GPHN: variants seen among roughly 807,000 people sequenced by gnomAD.
The protein encoded by GPHN is gephyrin.
Under a neutral mutation model 95.5 loss-of-function variants are expected in GPHN, and 17 were observed. That is an observed-to-expected ratio of 0.18 (90% CI 0.12 to 0.27). The LOEUF is 0.27. Among genes scored for constraint, GPHN ranks in the 10% least tolerant of loss-of-function variants. GPHN has a pLI of 1.00. For missense variants in GPHN, 660 were observed against 978.1 expected, an observed-to-expected ratio of 0.67 and a Z score of 4.34; for synonymous variants, 320 against 322.5, an observed-to-expected ratio of 0.99 and a Z score of 0.08.
In GPHN at chr14:66,935,169, A is replaced by G. The variant is rs185833260; in HGVS notation, c.828+10877A>G. Reference sequence around the variant, plus strand: ...AGCCTCAAGGCAACTGATAGGTTCAAAACTCAAAGTAATAATATTAACAAC... The same window carrying G: ...AGCCTCAAGGCAACTGATAGGTTCAGAACTCAAAGTAATAATATTAACAAC... On this transcript the variant is annotated intron_variant, in intron 8 of 22. Coordinates refer to ENST00000478722, the MANE Select transcript of GPHN (RefSeq NM_020806.5). Among the ~76,000 whole-genome samples, 374 of 152,288 alleles carry G rather than the reference A, an allele frequency of 2.5e-3. 2 individuals carry two copies. Among genetic ancestry groups the G allele is most frequent in the Non-Finnish European group, 3.8e-3 (260 of 68,014 alleles).
intron 2 of GPHN, among the ~76,000 whole-genome samples, chr14:66,701,368 G>A (rs537076721): frequency 2.6e-5 from 4 of 152,196 alleles, no homozygotes; most frequent in African/African-American, 9.6e-5. Context: ...GTACATTTGG[G>A]TGCGGCCATG....
At chr14:67,605,598 C>G in the GPHN span, among the ~76,000 whole-genome samples, 24,441 of 152,166 alleles carry the variant, frequency 0.16, 2,174 homozygotes, top group African/African-American at 0.24. Context: ...CAAAATACAT[C>G]CATAATCCTG....
the GPHN span, chr14:67,397,801 G>A: frequency 1.6e-5 from 25 of 1,612,134 alleles, no homozygotes; most frequent in Admixed American, 1.8e-4. Flanking sequence ...GAACCATCGC[G>A]CCTTCCAGTT....
chr14:66,781,175 C>G lies in GPHN; in HGVS notation c.201+4654C>G, dbSNP rs529113375. Among the ~76,000 whole-genome samples, 364 of 151,662 alleles carry G rather than the reference C, an allele frequency of 2.4e-3. 4 individuals carry two copies. Among genetic ancestry groups the G allele is most frequent in the African/African-American group, 8.3e-3 (343 of 41,362 alleles). On this transcript the variant is annotated intron_variant, in intron 3 of 22. Coordinates refer to ENST00000478722, the MANE Select transcript of GPHN (RefSeq NM_020806.5). ...AGAGTGAATAAATTCCTGGCCCAAT[C>G]AGAAGTCCCTTTTTCACCCTAGATG... is the stretch of plus-strand genomic sequence containing the variant.
chr14:67,725,050 T>G, the GPHN span: 1 of 1,607,262 alleles, frequency 6.2e-7, no homozygotes. Context: ...TATACCTCCT[T>G]TATAGCCTAG....
rs1476888246 is a variant in GPHN at position 67,159,342 on chromosome 14, A to G, written c.1837-73A>G. 5.7e-6 allele frequency: 5 copies of G among 873,608 alleles called. No homozygotes were observed. In the East Asian group the frequency reaches 9.6e-5, roughly 17 times the overall value. The allele number at this position is 873,608 out of a possible 1,614,324, so 54.1% of individuals were successfully genotyped here. A position where few individuals can be genotyped will look rare whatever the true frequency, so the allele number is the denominator to read the frequency against. ...TTTTCATTTCAATCTTATTAATTTA[A>G]TGTTCATTTAAAGTGTTGAAAGTCT... On this transcript the variant is annotated intron_variant, in intron 18 of 22. Transcript: ENST00000478722.
At position 66,824,507 on chromosome 14, in the gene GPHN, C is replaced by A; in HGVS notation, c.235C>A (p.Leu79Ile). ...GATAGATTGGTGTGATGAAAAGGAACTTAATTTGATATTAACAACTGGAGG... is the reference window on the plus strand; with the variant it reads ...GATAGATTGGTGTGATGAAAAGGAAATTAATTTGATATTAACAACTGGAGG... ...TLIDWCDEKE[L>I]NLILTTGGTG... Residue 79 changes from leucine (L) to isoleucine (I), a missense_variant, in exon 4 of 23, where the codon CTT becomes ATT. Leu to Ile is a conservative substitution (Grantham distance 5). Transcript: ENST00000478722. The A allele has an allele frequency of 6.3e-7, 1 of 1,595,656 alleles. No homozygotes were observed. The highest frequency in any genetic ancestry group is 8.6e-7 in the Non-Finnish European group (1 of 1,163,488).
intron 18 of GPHN, among the ~76,000 whole-genome samples, chr14:67,156,757 A>G (rs2081608780): frequency 6.6e-6 from 1 of 152,066 alleles, no homozygotes; most frequent in South Asian, 2.1e-4. Flanking sequence ...TGGACTGATC[A>G]TGTGGGGCCA....
chr14:66,598,676 C>G (rs1301117871), intron 1 of GPHN, among the ~76,000 whole-genome samples: 3 of 152,062 alleles, frequency 2.0e-5, no homozygotes, highest in African/African-American at 7.2e-5. Context: ...GAAACCCCAT[C>G]TCTACTAAAA....
At chr14:66,851,370 C>T (rs2062576408) in intron 4 of GPHN, among the ~76,000 whole-genome samples, 1 of 151,772 alleles carries the variant, frequency 6.6e-6, no homozygotes, top group African/African-American at 2.4e-5. Flanking sequence ...AAGACAGGAG[C>T]TCCCTCTGTC....
At chr14:66,912,436 A>G (rs117797782) in intron 5 of GPHN, among the ~76,000 whole-genome samples, 2,920 of 152,240 alleles carry the variant, frequency 0.019, 38 homozygotes, top group Middle Eastern at 0.034. Context: ...ATATACATTT[A>G]CATTTATTTA....
chr14:66,853,083 G>T (rs1443941220), intron 4 of GPHN, among the ~76,000 whole-genome samples: 2 of 152,020 alleles, frequency 1.3e-5, no homozygotes, highest in Admixed American at 6.5e-5. Flanking sequence ...TGATTTTTTT[G>T]TTTGTTTCTG....
In GPHN at chr14:66,954,031, G is replaced by C. The variant is rs1054721709; in HGVS notation, c.829-11160G>C. On this transcript the variant is annotated intron_variant, in intron 8 of 22. Coordinates refer to ENST00000478722, the MANE Select transcript of GPHN (RefSeq NM_020806.5). ...GCCTGGGCAACAAGAGCAAAACTCG[G>C]TCTCAAAAAAAAAAAAAAAAAGGAA... is the stretch of plus-strand genomic sequence containing the variant. Among the ~76,000 whole-genome samples, 13 of 65,984 alleles carry C rather than the reference G, an allele frequency of 2.0e-4. 1 individual carries two copies. Among genetic ancestry groups the C allele is most frequent in the Non-Finnish European group, 3.1e-4 (10 of 31,826 alleles). 43.3% of individuals were successfully genotyped at this position (65,984 alleles called of 152,430 possible).
the GPHN span, chr14:67,650,570 A>C: frequency 2.1e-4 from 144 of 679,428 alleles, no homozygotes; most frequent in Non-Finnish European, 3.5e-4. Context: ...GATGAGGTGC[A>C]AGGGGCTTCC....
the GPHN span, chr14:67,674,484 G>C: frequency 1.2e-6 from 2 of 1,603,712 alleles, no homozygotes; most frequent in Admixed American, 3.4e-5. Context: ...CGGCGGAGGA[G>C]GCCATGGCGC....
intron 2 of GPHN, among the ~76,000 whole-genome samples, chr14:66,719,238 C>T (rs2070493292): frequency 6.6e-6 from 1 of 152,180 alleles, no homozygotes; most frequent in South Asian, 2.1e-4. Flanking sequence ...CTCTGGCCGC[C>T]CTCCAGAAAG....
intron 1 of GPHN, among the ~76,000 whole-genome samples, chr14:66,627,105 TAAATC>T (rs1385470896): frequency 6.6e-6 from 1 of 152,026 alleles, no homozygotes; most frequent in Non-Finnish European, 1.5e-5. Context: ...AAAATTGGTA[TAAATC>T]TAATGAATAC....
At chr14:66,702,848 A>G (rs1419548168) in intron 2 of GPHN, among the ~76,000 whole-genome samples, 1 of 152,180 alleles carries the variant, frequency 6.6e-6, no homozygotes, top group African/African-American at 2.4e-5. Context: ...AACTACATGG[A>G]GCTAAAGGAG....
chr14:66,926,186 C>A (rs1874238806), intron 8 of GPHN, among the ~76,000 whole-genome samples: 1 of 152,016 alleles, frequency 6.6e-6, no homozygotes, highest in African/African-American at 2.4e-5. Context: ...TTCTCCCATA[C>A]CTTGGATTCT....
Sources: allele counts gnomAD v4.1 joint callset (sites outside exome capture counted in the v4.1 genomes callset), GRCh38; gene constraint gnomAD v4.1.1; transcripts MANE v1.5; gene names NCBI Gene and HGNC (gene_info 2026-07-23, HGNC 2026-07-21).